TMTC3: variants seen among roughly 807,000 people sequenced by gnomAD.
The protein encoded by TMTC3 is transmembrane O-mannosyltransferase targeting cadherins 3.
TMTC3 carries 52 observed loss-of-function variants against 92.2 expected under a neutral mutation model. The ratio of observed to expected loss-of-function variants is 0.56; its 90% CI spans 0.45 to 0.71. TMTC3 has a LOEUF of 0.71. Among genes scored for constraint, TMTC3 ranks in the 30% least tolerant of loss-of-function variants. The probability of loss-of-function intolerance (pLI) is 0.00; values close to 1 mark genes in which losing one functional copy is unlikely to be tolerated. For synonymous variants in TMTC3, 339 were observed against 363.3 expected (o/e 0.93, Z 0.76); for missense variants, 896 against 1,057.1 (o/e 0.85, Z 2.11).
intron 6 of TMTC3, among the ~76,000 whole-genome samples, chr12:88,164,053 GT>G (rs879276386): frequency 6.6e-6 from 1 of 151,344 alleles, no homozygotes; most frequent in Non-Finnish European, 1.5e-5. Context: ...ATTAGCCAGC[GT>G]GGTGGTGCAC....
chr12:88,179,425 T>A (rs1049683488), intron 10 of TMTC3, among the ~76,000 whole-genome samples: 3 of 152,138 alleles, frequency 2.0e-5, no homozygotes, highest in Non-Finnish European at 4.4e-5. Flanking sequence ...AAATTTGGAG[T>A]AATAATACCT....
At position 88,192,863 on chromosome 12, in the gene TMTC3, A is replaced by T; in HGVS notation, c.1933+33A>T. 3 of 1,547,528 alleles carry T rather than the reference A, an allele frequency of 1.9e-6. No homozygotes were observed. In the South Asian group the frequency reaches 3.6e-5, roughly 18 times the overall value. ...TTCTCAAAATATTTCTGTTTATATA[A>T]ATTGTAGTTTATAATATAATAAGAC... On this transcript the variant is annotated intron_variant, in intron 13 of 13. Transcript: ENST00000266712.
chr12:88,190,346 T>G, intron 11 of TMTC3, 107 bp from the exon 12 acceptor site: 1 of 994,108 alleles, frequency 1.0e-6, no homozygotes, highest in Non-Finnish European at 1.5e-6. Context: ...TCCAGTGTAT[T>G]TTTTACAGTA....
At position 88,166,487 on chromosome 12, in the gene TMTC3, C is replaced by A. The variant is rs768546704; in HGVS notation, c.955C>A (p.Arg319=). ...IPLIESLLDI[R]NLATFTFFCF... Reference sequence around the variant, plus strand: ...ACTTATAGAGTCATTACTAGATATTCGAAATCTGGCCACATTTACTTTCTT... The same window carrying A: ...ACTTATAGAGTCATTACTAGATATTAGAAATCTGGCCACATTTACTTTCTT... The change falls in exon 7 of 14, where the codon CGA becomes AGA. Residue 319 remains arginine, a synonymous_variant. Coordinates refer to ENST00000266712, the MANE Select transcript of TMTC3 (RefSeq NM_181783.4). 6.2e-7 allele frequency: 1 copy of A among 1,613,816 alleles called. No individual in the cohort carries two copies. The highest frequency in any genetic ancestry group is 8.5e-7 in the Non-Finnish European group (1 of 1,179,898).
intron 10 of TMTC3, among the ~76,000 whole-genome samples, chr12:88,177,923 C>G (rs1243935147): frequency 2.6e-5 from 4 of 152,104 alleles, no homozygotes; most frequent in Non-Finnish European, 5.9e-5. Flanking sequence ...ATCACTAAAT[C>G]ATTAAGAATT....
At chr12:88,165,507 T>A (rs1298011338) in intron 6 of TMTC3, among the ~76,000 whole-genome samples, 1 of 152,054 alleles carries the variant, frequency 6.6e-6, no homozygotes, top group Admixed American at 6.5e-5. Flanking sequence ...ATATTTGATA[T>A]GTTTTCAGAA....
At chr12:88,148,789 C>T (rs1219652393) in intron 2 of TMTC3, among the ~76,000 whole-genome samples, 4 of 151,356 alleles carry the variant, frequency 2.6e-5, no homozygotes, top group Non-Finnish European at 5.9e-5. Flanking sequence ...AGATTTGTCA[C>T]GTGGGTATAT....
chr12:88,172,167 A>G (rs2041211846), intron 7 of TMTC3, among the ~76,000 whole-genome samples: 1 of 152,108 alleles, frequency 6.6e-6, no homozygotes, highest in African/African-American at 2.4e-5. Flanking sequence ...TACATTTATT[A>G]AAGTTTTTAT....
rs1016761585 is a variant in TMTC3 at position 88,197,027 on chromosome 12, A to G, written c.*1378A>G. The G allele has an allele frequency of 2.0e-5, 3 of 152,170 alleles. No individual in the cohort carries two copies. The highest frequency in any genetic ancestry group is 3.0e-5 in the Non-Finnish European group (2 of 67,768). 9.4% of individuals were successfully genotyped at this position (152,170 alleles called of 1,614,324 possible). ...TATAATACCTTAAAAAGTTGGTTCT[A>G]ATTTAAAATATGAAAGCTCTGGCTA... On this transcript the variant is annotated 3_prime_UTR_variant, in exon 14 of 14. Transcript: ENST00000266712.
At position 88,154,399 on chromosome 12, in the gene TMTC3, A is replaced by G. The variant is rs2138369559; in HGVS notation, c.508+12A>G. 2 of 1,554,230 alleles carry G rather than the reference A, an allele frequency of 1.3e-6. No homozygotes were observed. Among genetic ancestry groups the G allele is most frequent in the South Asian group, 2.5e-5 (2 of 81,506 alleles). ...AGACAATTCCATAAGTACATGTCTC[A>G]CATTTGATTTTTTTTTAATAGTGCT... On this transcript the variant is annotated intron_variant, in intron 4 of 13. Coordinates refer to ENST00000266712, the MANE Select transcript of TMTC3 (RefSeq NM_181783.4).
chr12:88,198,182 C>G lies in TMTC3; in HGVS notation c.*2533C>G. 1 of 394,924 alleles carries G rather than the reference C, an allele frequency of 2.5e-6. No homozygotes were observed. The highest frequency in any genetic ancestry group is 4.5e-6 in the Non-Finnish European group (1 of 224,034). 24.5% of individuals were successfully genotyped at this position (394,924 alleles called of 1,614,324 possible). ...AAATAGATATTTCATTCAAACTGTT[C>G]AGGTGAGAAAACATAATGGATTTTT... is the stretch of plus-strand genomic sequence containing the variant. On this transcript the variant is annotated 3_prime_UTR_variant, in exon 14 of 14. Transcript: ENST00000266712.
chr12:88,172,906 G>C, intron 8 of TMTC3, 161 bp downstream of exon 8: 1 of 1,505,608 alleles, frequency 6.6e-7, no homozygotes, highest in Non-Finnish European at 8.9e-7. Flanking sequence ...AGTTAGGAAA[G>C]CTCCATGGCA....
intron 10 of TMTC3, among the ~76,000 whole-genome samples, chr12:88,185,086 A>G (rs2041360972): frequency 6.6e-6 from 1 of 152,188 alleles, no homozygotes; most frequent in Admixed American, 6.5e-5. Context: ...TACATGTGAC[A>G]TACAATAGAC....
chr12:88,145,517 G>A (rs1327921332), intron 1 of TMTC3, among the ~76,000 whole-genome samples: 1 of 152,122 alleles, frequency 6.6e-6, no homozygotes, highest in East Asian at 1.9e-4. Flanking sequence ...TTTTGCCAAG[G>A]TTAGGGACAT....
chr12:88,186,475 C>G (rs956316530), intron 10 of TMTC3, among the ~76,000 whole-genome samples: 7 of 152,000 alleles, frequency 4.6e-5, no homozygotes, highest in African/African-American at 1.7e-4. Context: ...TTATAGAAAC[C>G]TAGTATTGAC....
At position 88,187,590 on chromosome 12, in the gene TMTC3, T is replaced by C. The variant is rs565458766; in HGVS notation, c.1433-1253T>C. 3.9e-5 allele frequency among the ~76,000 whole-genome samples: 6 copies of C among 152,318 alleles called. No individual in the cohort carries two copies. In the South Asian group the frequency reaches 1.2e-3, roughly 32 times the overall value. Reference sequence around the variant, plus strand: ...CTAAAAAGAAAAAAATCTACTTCCTTACTCCTAAACTTATCTATAATCAAA... The same window carrying C: ...CTAAAAAGAAAAAAATCTACTTCCTCACTCCTAAACTTATCTATAATCAAA... On this transcript the variant is annotated intron_variant, in intron 10 of 13. Transcript: ENST00000266712.
chr12:88,169,160 G>A (rs1199155617), intron 7 of TMTC3, among the ~76,000 whole-genome samples: 2 of 152,186 alleles, frequency 1.3e-5, no homozygotes, highest in Non-Finnish European at 2.9e-5. Flanking sequence ...ACTTTCCAGA[G>A]AAACCTAGAA....
intron 4 of TMTC3, among the ~76,000 whole-genome samples, chr12:88,157,915 A>T (rs1054044064): frequency 3.3e-5 from 5 of 152,158 alleles, no homozygotes. Flanking sequence ...TATTACTCTT[A>T]GTTGAGATGG....
intron 6 of TMTC3, among the ~76,000 whole-genome samples, chr12:88,162,977 G>A (rs547443852): frequency 7.3e-5 from 11 of 150,766 alleles, no homozygotes; most frequent in Admixed American, 4.6e-4. Flanking sequence ...GTGCAATGGC[G>A]CAATCTCGGC....
Sources: gnomAD v4.1 joint callset for allele counts (sites outside exome capture counted in the v4.1 genomes callset) on GRCh38, gnomAD v4.1.1 for gene constraint, MANE v1.5 for transcripts, NCBI Gene and HGNC (gene_info 2026-07-23, HGNC 2026-07-21) for gene names.